GPC5: variants seen among roughly 807,000 people sequenced by gnomAD.
GPC5 encodes glypican 5, also known as glypican-5.
GPC5 carries 47 observed loss-of-function variants against 53.9 expected under a neutral mutation model. The ratio of observed to expected loss-of-function variants is 0.87; its 90% CI spans 0.69 to 1.11. The LOEUF (loss-of-function observed/expected upper bound fraction) is 1.11. GPC5 is among the 50% of genes most tolerant of loss of function. GPC5 has a pLI of 0.00. For missense variants in GPC5, 748 were observed against 713.1 expected (o/e 1.05, Z -0.56); for synonymous variants, 286 against 263.3 (o/e 1.09, Z -0.84).
At chr13:92,646,553 C>A (rs2139158630) in intron 7 of GPC5, among the ~76,000 whole-genome samples, 1 of 152,048 alleles carries the variant, frequency 6.6e-6, no homozygotes, top group South Asian at 2.1e-4. Context: ...ACAAAAATAC[C>A]TGATGGGATT....
In GPC5 at chr13:92,518,171, G is replaced by A. The variant is rs530286431; in HGVS notation, c.1562-348111G>A. 1.4e-4 allele frequency among the ~76,000 whole-genome samples: 21 copies of A among 152,254 alleles called. No homozygotes were observed. In the East Asian group the frequency reaches 1.7e-3, roughly 13 times the overall value. On this transcript the variant is annotated intron_variant, in intron 7 of 7. Coordinates refer to ENST00000377067, the MANE Select transcript of GPC5 (RefSeq NM_004466.6). Reference sequence around the variant, plus strand: ...GTCTGATTGTTGTCCCTGAAAGTGAGGGGAGAATGGAACCAAGTTGGAAAA... The same window carrying A: ...GTCTGATTGTTGTCCCTGAAAGTGAAGGGAGAATGGAACCAAGTTGGAAAA...
chr13:91,405,403 G>A (rs1350922504), intron 1 of GPC5, among the ~76,000 whole-genome samples: 1 of 152,136 alleles, frequency 6.6e-6, no homozygotes, highest in Non-Finnish European at 1.5e-5. Flanking sequence ...ACTTGTCCTC[G>A]TTGAAAACCA....
intron 5 of GPC5, among the ~76,000 whole-genome samples, chr13:91,816,167 G>T (rs1377088268): frequency 2.2e-4 from 33 of 152,116 alleles, no homozygotes; most frequent in Non-Finnish European, 4.7e-4. Context: ...ATTTATTTGC[G>T]TGTTGACTGC....
At chr13:91,951,679 A>G (rs139757558) in intron 6 of GPC5, among the ~76,000 whole-genome samples, 1 of 152,144 alleles carries the variant, frequency 6.6e-6, no homozygotes, top group African/African-American at 2.4e-5. Context: ...GACTGTTTTC[A>G]TACAGAGACC....
Position 92,445,633 on chromosome 13 carries a change from A to G in GPC5, c.1561+300644A>G, listed in dbSNP as rs544252196. On this transcript the variant is annotated intron_variant, in intron 7 of 7. Coordinates refer to ENST00000377067, the MANE Select transcript of GPC5 (RefSeq NM_004466.6). ...TTCCAATTTCATCCATGTCCCTAAA[A>G]AGGACATGAACTCATCATTTTTTAT... is the stretch of plus-strand genomic sequence containing the variant. Among the ~76,000 whole-genome samples, 570 of 151,706 alleles carry G rather than the reference A, an allele frequency of 3.8e-3. 6 individuals are homozygous for G. Among genetic ancestry groups the G allele is most frequent in the African/African-American group, 0.013 (552 of 41,262 alleles).
intron 7 of GPC5, among the ~76,000 whole-genome samples, chr13:92,154,369 T>C (rs902024325): frequency 1.3e-5 from 2 of 152,216 alleles, no homozygotes; most frequent in Admixed American, 6.5e-5. Context: ...TTATTACTTT[T>C]TTCTTTGGCA....
chr13:92,765,754 A>T (rs1297021737), intron 7 of GPC5, among the ~76,000 whole-genome samples: 1 of 152,188 alleles, frequency 6.6e-6, no homozygotes, highest in Non-Finnish European at 1.5e-5. Flanking sequence ...ACCCATGATA[A>T]CATTTGAAAA....
chr13:91,641,679 T>A (rs578016173), intron 2 of GPC5, among the ~76,000 whole-genome samples: 1 of 152,372 alleles, frequency 6.6e-6, no homozygotes, highest in South Asian at 2.1e-4. Flanking sequence ...TGTTTTGTTA[T>A]AGAACATCAA....
At chr13:91,504,139 A>G (rs1451496535) in intron 2 of GPC5, among the ~76,000 whole-genome samples, 1 of 152,068 alleles carries the variant, frequency 6.6e-6, no homozygotes, top group Non-Finnish European at 1.5e-5. Flanking sequence ...TATTGAGAAG[A>G]TATTTCCTTA....
chr13:91,617,255 T>G (rs188966191), intron 2 of GPC5, among the ~76,000 whole-genome samples: 3 of 152,174 alleles, frequency 2.0e-5, no homozygotes, highest in African/African-American at 7.2e-5. Context: ...TGTATGAGAG[T>G]GAAATGGAAG....
chr13:91,879,368 A>T (rs1301389072), intron 5 of GPC5, among the ~76,000 whole-genome samples: 1 of 152,192 alleles, frequency 6.6e-6, no homozygotes, highest in Non-Finnish European at 1.5e-5. Flanking sequence ...TGCATGTTAA[A>T]TATCATTAAA....
At chr13:92,097,555 A>G (rs895900404) in intron 6 of GPC5, among the ~76,000 whole-genome samples, 7 of 152,240 alleles carry the variant, frequency 4.6e-5, no homozygotes, top group Non-Finnish European at 1.0e-4. Flanking sequence ...GTCTTACATC[A>G]TCTCAGCGGA....
intron 7 of GPC5, among the ~76,000 whole-genome samples, chr13:92,762,131 A>T (rs1469987813): frequency 1.3e-5 from 2 of 152,262 alleles, no homozygotes; most frequent in Non-Finnish European, 2.9e-5. Context: ...CAAATCCAGC[A>T]TACTCTAATA....
At chr13:92,389,080 C>T (rs1028847264) in intron 7 of GPC5, among the ~76,000 whole-genome samples, 1 of 152,016 alleles carries the variant, frequency 6.6e-6, no homozygotes, top group African/African-American at 2.4e-5. Context: ...TACACATAGT[C>T]GGCAAATAAT....
At chr13:91,946,769 G>GA (rs573943323) in intron 6 of GPC5, among the ~76,000 whole-genome samples, 14 of 151,316 alleles carry the variant, frequency 9.3e-5, no homozygotes, top group Non-Finnish European at 1.3e-4. Flanking sequence ...TAGATAACGA[G>GA]AAAAAAAAAT....
chr13:91,559,345 C>T (rs1007919159), intron 2 of GPC5, among the ~76,000 whole-genome samples: 1 of 152,110 alleles, frequency 6.6e-6, no homozygotes, highest in Non-Finnish European at 1.5e-5. Flanking sequence ...CACTGGAGTG[C>T]TTACTGAATG....
intron 7 of GPC5, among the ~76,000 whole-genome samples, chr13:92,207,205 T>C (rs148822730): frequency 4.3e-4 from 66 of 152,284 alleles, no homozygotes; most frequent in African/African-American, 1.6e-3. Flanking sequence ...TTCCCATTCA[T>C]ATAGGTAGAG....
At chr13:91,499,992 C>T (rs1001607381) in intron 2 of GPC5, among the ~76,000 whole-genome samples, 1 of 152,180 alleles carries the variant, frequency 6.6e-6, no homozygotes, top group African/African-American at 2.4e-5. Flanking sequence ...TTCATTTGTG[C>T]TGAATGTTTT....
intron 7 of GPC5, among the ~76,000 whole-genome samples, chr13:92,522,162 TG>T (rs1473625779): frequency 6.6e-6 from 1 of 152,186 alleles, no homozygotes; most frequent in African/African-American, 2.4e-5. Context: ...ACTTTTATAC[TG>T]TTGGTGGGAC....
Sources: allele counts gnomAD v4.1 joint callset (sites outside exome capture counted in the v4.1 genomes callset), GRCh38; gene constraint gnomAD v4.1.1; transcripts MANE v1.5; gene names NCBI Gene and HGNC (gene_info 2026-07-23, HGNC 2026-07-21).